CPS1: variants seen among roughly 807,000 people sequenced by gnomAD.
CPS1 encodes the protein carbamoyl-phosphate synthase [ammonia], mitochondrial.
CPS1 carries 109 observed loss-of-function variants against 174.6 expected under a neutral mutation model. The ratio of observed to expected loss-of-function variants is 0.62; its 90% CI spans 0.53 to 0.73. CPS1 has a LOEUF of 0.73. CPS1 is among the 30% of genes least tolerant of loss of function. The pLI is 0.00. For synonymous variants in CPS1, 637 were observed against 632.0 expected (o/e 1.01, Z -0.12); for missense variants, 1,689 against 1,821.9 (o/e 0.93, Z 1.33).
rs775509422 is a variant in CPS1 at position 210,580,802 on chromosome 2, A to C, written c.528+1032A>C. On this transcript the variant is annotated intron_variant, in intron 5 of 37. Coordinates refer to ENST00000233072, the MANE Select transcript of CPS1 (RefSeq NM_001875.5). ...CTTGAACCCGGGAGGCGGAGGTTGC[A>C]GTGAGCTGAGATCATGCCACTGCAC... Among the ~76,000 whole-genome samples, 7 of 151,272 alleles carry C rather than the reference A, an allele frequency of 4.6e-5. No homozygotes were observed. In the South Asian group the frequency reaches 6.3e-4, roughly 14 times the overall value.
chr2:210,480,963 C>G (rs187069853), intron 1 of CPS1, among the ~76,000 whole-genome samples: 1 of 152,282 alleles, frequency 6.6e-6, no homozygotes, highest in East Asian at 1.9e-4. Context: ...CAGATGTACA[C>G]CAAGCGCACT....
chr2:210,538,747 T>C, intron 1 of CPS1, among the ~76,000 whole-genome samples: 1 of 152,274 alleles, frequency 6.6e-6, no homozygotes, highest in Admixed American at 6.5e-5. Flanking sequence ...AAATAAATAT[T>C]ATATATTATC....
chr2:210,599,114 C>A (rs1270034874), intron 13 of CPS1, among the ~76,000 whole-genome samples: 1 of 151,798 alleles, frequency 6.6e-6, no homozygotes, highest in African/African-American at 2.4e-5. Flanking sequence ...TCCAGCTTTG[C>A]CAACAGTGGC....
At position 210,632,706 on chromosome 2, in the gene CPS1, G is replaced by A. The variant is rs145108631; in HGVS notation, c.2688-4996G>A. ...GTATCAACAATGATTTCTCAGTGAGGAGGATTGCTAAGTGTTTTGCACTAT... is the reference window on the plus strand; with the variant it reads ...GTATCAACAATGATTTCTCAGTGAGAAGGATTGCTAAGTGTTTTGCACTAT... On this transcript the variant is annotated intron_variant, in intron 21 of 37. Coordinates refer to ENST00000233072, the MANE Select transcript of CPS1 (RefSeq NM_001875.5). Among the ~76,000 whole-genome samples, 755 of 152,308 alleles carry A rather than the reference G, an allele frequency of 5.0e-3. 2 individuals carry two copies. The highest frequency in any genetic ancestry group is 8.3e-3 in the Non-Finnish European group (563 of 68,022).
At position 210,517,572 on chromosome 2, in the gene CPS1, G is replaced by A. The variant is rs374452197; in HGVS notation, c.4-39147G>A. Among the ~76,000 whole-genome samples, 18 of 152,070 alleles carry A rather than the reference G, an allele frequency of 1.2e-4. No homozygotes were observed. In the East Asian group the frequency reaches 2.9e-3, roughly 25 times the overall value. On this transcript the variant is annotated intron_variant, in intron 1 of 38. Coordinates refer to the CPS1 transcript ENST00000430249. The stretch of plus-strand genomic sequence containing the variant: ...TTGTTCAGCAGTGACTGCCTGAAAG[G>A]ACCATAAATCAGGAGCCTCCACAGA...
chr2:210,629,203 T>A (rs1029127034), intron 21 of CPS1, among the ~76,000 whole-genome samples: 1 of 152,246 alleles, frequency 6.6e-6, no homozygotes, highest in Non-Finnish European at 1.5e-5. Flanking sequence ...AGATTTAAAA[T>A]TATAAATAAA....
chr2:210,594,360 T>C (rs1698411964), intron 11 of CPS1, 148 bp from the exon 12 acceptor site: 4 of 632,932 alleles, frequency 6.3e-6, no homozygotes, highest in South Asian at 5.5e-5. Flanking sequence ...TATTTAGTTA[T>C]TGACAAAAAA....
chr2:210,539,268 T>G (rs1696339295), intron 1 of CPS1, among the ~76,000 whole-genome samples: 1 of 152,192 alleles, frequency 6.6e-6, no homozygotes, highest in African/African-American at 2.4e-5. Context: ...CAGTGTTTGC[T>G]CTTATTCTCA....
intron 17 of CPS1, among the ~76,000 whole-genome samples, chr2:210,605,727 G>A (rs776858396): frequency 6.6e-6 from 1 of 151,872 alleles, no homozygotes; most frequent in Non-Finnish European, 1.5e-5. Flanking sequence ...AAAGGGAGTT[G>A]AGAATGTGGA....
In CPS1 at chr2:210,512,876, AGAGATATATATATG is replaced by A. The variant is rs1695546879; in HGVS notation, c.3+35124_3+35137del. On this transcript the variant is annotated intron_variant, in intron 1 of 38. Coordinates refer to the CPS1 transcript ENST00000430249. ...TATATATATATAGATATATATATAT[AGAGATATATATATG>A]GAGATATATATATATGGAGATATAT... Among the ~76,000 whole-genome samples the A allele has an allele frequency of 7.9e-5, 4 of 50,866 alleles. 1 individual carries two copies. The highest frequency in any genetic ancestry group is 1.2e-4 in the African/African-American group (2 of 17,008). 33.4% of individuals were successfully genotyped at this position (50,866 alleles called of 152,430 possible). A position where few individuals can be genotyped will look rare whatever the true frequency, so the allele number is the denominator to read the frequency against.
intron 8 of CPS1, among the ~76,000 whole-genome samples, chr2:210,590,549 T>C (rs1698259863): frequency 6.6e-6 from 1 of 152,032 alleles, no homozygotes; most frequent in Non-Finnish European, 1.5e-5. Context: ...ATCATGACCT[T>C]GGGACCCATA....
chr2:210,478,393 A>G (rs576189379), intron 1 of CPS1, among the ~76,000 whole-genome samples: 1 of 152,316 alleles, frequency 6.6e-6, no homozygotes, highest in South Asian at 2.1e-4. Context: ...ACTTTCCTTC[A>G]TATACCTGTT....
intron 12 of CPS1, 103 bp downstream of exon 12, chr2:210,594,709 AAG>A (rs1253070171): frequency 1.3e-6 from 1 of 788,656 alleles, no homozygotes; most frequent in African/African-American, 1.7e-5. Context: ...TGTTTAATAA[AAG>A]ATGACTGGTA....
chr2:210,606,697 G>T, intron 17 of CPS1, 34 bp from the exon 18 acceptor site: 1 of 1,592,644 alleles, frequency 6.3e-7, no homozygotes, highest in Non-Finnish European at 8.6e-7. Context: ...ATTTCAATAT[G>T]CCACCAAGTA....
chr2:210,637,475 A>G (rs1343397281), intron 21 of CPS1, among the ~76,000 whole-genome samples: 1 of 152,156 alleles, frequency 6.6e-6, no homozygotes, highest in Non-Finnish European at 1.5e-5. Context: ...GGTCGCATAG[A>G]GTGTGAAAGC....
intron 1 of CPS1, among the ~76,000 whole-genome samples, chr2:210,525,966 T>C (rs1320982226): frequency 6.6e-6 from 1 of 151,726 alleles, no homozygotes; most frequent in Admixed American, 6.6e-5. Flanking sequence ...CCCACATGAC[T>C]GGTATGACTG....
chr2:210,581,596 G>T (rs1288426378), intron 5 of CPS1, among the ~76,000 whole-genome samples: 6 of 152,212 alleles, frequency 3.9e-5, no homozygotes, highest in African/African-American at 1.2e-4. Flanking sequence ...ATGCGACTTG[G>T]ATTATAAAAG....
chr2:210,571,660 C>A (rs1288660842), intron 1 of CPS1, among the ~76,000 whole-genome samples: 1 of 151,892 alleles, frequency 6.6e-6, no homozygotes, highest in Admixed American at 6.6e-5. Context: ...AGAACACAAT[C>A]ATTCTAATGA....
intron 13 of CPS1, among the ~76,000 whole-genome samples, chr2:210,596,948 G>A (rs887900700): frequency 1.3e-5 from 2 of 151,480 alleles, no homozygotes; most frequent in East Asian, 1.9e-4. Context: ...AAAAATAATT[G>A]GTGCATATAT....
Sources: gnomAD v4.1 joint callset for allele counts (sites outside exome capture counted in the v4.1 genomes callset) on GRCh38, gnomAD v4.1.1 for gene constraint, MANE v1.5 for transcripts, NCBI Gene and HGNC (gene_info 2026-07-23, HGNC 2026-07-21) for gene names.